APBB1IP: variants seen among roughly 807,000 people sequenced by gnomAD.
The protein encoded by APBB1IP is amyloid beta A4 precursor protein-binding family B member 1-interacting protein.
In APBB1IP, 27 loss-of-function variants were observed where a neutral mutation model predicts 64.9. That is an observed-to-expected ratio of 0.42 (90% CI 0.31 to 0.57). The LOEUF (loss-of-function observed/expected upper bound fraction) is 0.57. Ranked by LOEUF, APBB1IP falls within the 20% of genes least tolerant of loss-of-function variation. The pLI, the probability that APBB1IP is intolerant of heterozygous loss-of-function variation, is 0.20. For synonymous variants in APBB1IP, 392 were observed against 331.0 expected (o/e 1.18, Z -2.00); for missense variants, 812 against 845.5 (o/e 0.96, Z 0.49).
intron 8 of APBB1IP, among the ~76,000 whole-genome samples, chr10:26,529,218 C>T (rs1467495583): frequency 6.6e-6 from 1 of 152,226 alleles, no homozygotes; most frequent in South Asian, 2.1e-4. Flanking sequence ...AATGACTAAA[C>T]GTTGAGTTCT....
intron 2 of APBB1IP, among the ~76,000 whole-genome samples, chr10:26,481,826 C>CGTGTGTGTGTGTGTGT (rs71521683): frequency 7.0e-6 from 1 of 143,248 alleles, no homozygotes; most frequent in African/African-American, 2.6e-5. Context: ...CATCTCATTA[C>CGTGTGTGTGTGTGTGT]GTGTGTGTGT....
At chr10:26,533,932 G>A (rs893708574) in intron 9 of APBB1IP, among the ~76,000 whole-genome samples, 4 of 151,752 alleles carry the variant, frequency 2.6e-5, no homozygotes, top group African/African-American at 9.7e-5. Context: ...TACAGGAGGC[G>A]GCTCTGCCTA....
At chr10:26,456,495 A>C (rs1835526824) in intron 2 of APBB1IP, among the ~76,000 whole-genome samples, 1 of 152,192 alleles carries the variant, frequency 6.6e-6, no homozygotes, top group South Asian at 2.1e-4. Context: ...TCCTATGGAC[A>C]GTAGAGAGCC....
rs556935018 is a variant in APBB1IP, at chr10:26,518,534, A to T, written c.813+4874A>T. 2.6e-5 allele frequency among the ~76,000 whole-genome samples: 4 copies of T among 152,314 alleles called. No individual in the cohort carries two copies. In the South Asian group the frequency reaches 8.3e-4, roughly 32 times the overall value. On this transcript the variant is annotated intron_variant, in intron 8 of 14. Transcript: ENST00000376236. ...GATTCTATGACTTAGCCTCCCATTA[A>T]CATTGTATGAGAATTCCTGTTGTTC... is the stretch of plus-strand genomic sequence containing the variant.
At chr10:26,527,352 GC>G (rs1836487306) in intron 8 of APBB1IP, among the ~76,000 whole-genome samples, 1 of 152,050 alleles carries the variant, frequency 6.6e-6, no homozygotes, top group African/African-American at 2.4e-5. Context: ...TTCAAGACCA[GC>G]CTGGAAAACA....
chr10:26,534,925 AT>A (rs1836601223), intron 9 of APBB1IP, among the ~76,000 whole-genome samples: 1 of 152,214 alleles, frequency 6.6e-6, no homozygotes. Context: ...TACTAGCCAA[AT>A]TTGGGGAGAA....
At chr10:26,558,014 G>C (rs1836915456) in intron 11 of APBB1IP, among the ~76,000 whole-genome samples, 3 of 152,038 alleles carry the variant, frequency 2.0e-5, no homozygotes, top group Admixed American at 2.0e-4. Context: ...GATGCTTCCA[G>C]CTCTCTTGGC....
chr10:26,486,411 T>C (rs566246884), intron 2 of APBB1IP, among the ~76,000 whole-genome samples: 22 of 151,772 alleles, frequency 1.4e-4, no homozygotes, highest in African/African-American at 4.8e-4. Context: ...GATGGAAAAA[T>C]GGGAGGAGTA....
chr10:26,476,847 C>T (rs991205748), intron 2 of APBB1IP, among the ~76,000 whole-genome samples: 11 of 152,308 alleles, frequency 7.2e-5, no homozygotes, highest in Admixed American at 1.3e-4. Flanking sequence ...GTCACCCAGG[C>T]TGGAGTACAA....
intron 9 of APBB1IP, among the ~76,000 whole-genome samples, chr10:26,534,948 TA>T (rs1319844888): frequency 2.0e-5 from 3 of 152,166 alleles, no homozygotes; most frequent in Admixed American, 6.6e-5. Flanking sequence ...TTGGGGAGTG[TA>T]AACAGAAATA....
At chr10:26,445,115 GAAAGAAAGAAAGA>G (rs1300404449) in intron 2 of APBB1IP, among the ~76,000 whole-genome samples, 1 of 60,062 alleles carries the variant, frequency 1.7e-5, no homozygotes, top group Non-Finnish European at 3.1e-5. Flanking sequence ...AAGAGGAAAA[GAAAGAAAGAAAGA>G]AAAGAAAGAA....
chr10:26,446,816 C>T (rs375837749), intron 2 of APBB1IP, among the ~76,000 whole-genome samples: 42 of 151,902 alleles, frequency 2.8e-4, no homozygotes, highest in African/African-American at 8.0e-4. Flanking sequence ...ACTATGATCA[C>T]GCCACTGCAC....
At position 26,567,542 on chromosome 10, in the gene APBB1IP, G is replaced by T; in HGVS notation, c.*54G>T. On this transcript the variant is annotated 3_prime_UTR_variant, in exon 15 of 15. Coordinates refer to ENST00000376236, the MANE Select transcript of APBB1IP (RefSeq NM_019043.4). ...AGAAGCATCGCTGACCCCGAGCGCA[G>T]GTTTTGCTAGCAGATTGCCCTGACA... 1 of 1,510,760 alleles carries T rather than the reference G, an allele frequency of 6.6e-7. No individual in the cohort carries two copies. Among genetic ancestry groups the T allele is most frequent in the Non-Finnish European group, 9.0e-7 (1 of 1,113,436 alleles). 93.6% of individuals were successfully genotyped at this position (1,510,760 alleles called of 1,614,324 possible).
intron 7 of APBB1IP, among the ~76,000 whole-genome samples, chr10:26,513,215 G>A (rs1836282993): frequency 6.6e-6 from 1 of 152,130 alleles, no homozygotes; most frequent in African/African-American, 2.4e-5. Context: ...TTGAGCCTGT[G>A]AATAGCCACT....
chr10:26,521,625 C>G (rs1442055531), intron 8 of APBB1IP, among the ~76,000 whole-genome samples: 1 of 152,172 alleles, frequency 6.6e-6, no homozygotes, highest in African/African-American at 2.4e-5. Flanking sequence ...ACGATGGCTC[C>G]TCTATAAATG....
chr10:26,503,275 G>T lies in APBB1IP; in HGVS notation c.531+1G>T. 6.2e-7 allele frequency: 1 copy of T among 1,614,028 alleles called. No homozygotes were observed. Reference sequence around the variant, plus strand: ...ACTGAAGGAGGCCAAGGTTAAGAAGGTGAATCATGAATCCCTTTTGCATGG... The same window carrying T: ...ACTGAAGGAGGCCAAGGTTAAGAAGTTGAATCATGAATCCCTTTTGCATGG... On this transcript the variant is annotated splice_donor_variant, in intron 6 of 14. Transcript: ENST00000376236. LOFTEE classifies it high-confidence loss of function.
intron 8 of APBB1IP, among the ~76,000 whole-genome samples, chr10:26,516,536 T>C (rs2132449520): frequency 1.1e-4 from 2 of 18,258 alleles, no homozygotes; most frequent in African/African-American, 7.8e-4. Context: ...AGAGCAAGAC[T>C]CCATCTCAAA....
chr10:26,541,573 G>C lies in APBB1IP; in HGVS notation c.1045-9G>C. Reference sequence around the variant, plus strand: ...CAGTTGAAGTTTTATTTTTTTCCCTGTCTTTCAGACATCTCGAGATCTGGC... The same window carrying C: ...CAGTTGAAGTTTTATTTTTTTCCCTCTCTTTCAGACATCTCGAGATCTGGC... On this transcript the variant is annotated splice_polypyrimidine_tract_variant and intron_variant, in intron 10 of 14. Transcript: ENST00000376236. 1 of 1,592,656 alleles carries C rather than the reference G, an allele frequency of 6.3e-7. No homozygotes were observed. The highest frequency in any genetic ancestry group is 8.6e-7 in the Non-Finnish European group (1 of 1,164,492).
At chr10:26,449,305 G>C (rs1835439691) in intron 2 of APBB1IP, among the ~76,000 whole-genome samples, 1 of 152,172 alleles carries the variant, frequency 6.6e-6, no homozygotes, top group Non-Finnish European at 1.5e-5. Flanking sequence ...ATGTTTGTGT[G>C]TGTATATCTG....
Sources: allele counts gnomAD v4.1 joint callset (sites outside exome capture counted in the v4.1 genomes callset), GRCh38; gene constraint gnomAD v4.1.1; transcripts MANE v1.5; gene names NCBI Gene and HGNC (gene_info 2026-07-23, HGNC 2026-07-21).